PRKG1: variants seen among roughly 807,000 people sequenced by gnomAD.
PRKG1 encodes protein kinase cGMP-dependent 1.
Under a neutral mutation model 88.1 loss-of-function variants are expected in PRKG1, and 35 were observed. The ratio of observed to expected loss-of-function variants is 0.40; its 90% confidence interval spans 0.30 to 0.53. The LOEUF is 0.53. Among genes scored for constraint, PRKG1 ranks in the 20% least tolerant of loss-of-function variants. The probability of loss-of-function intolerance (pLI) is 0.59; values close to 1 mark genes in which losing one functional copy is unlikely to be tolerated. For synonymous variants in PRKG1, 303 were observed against 292.5 expected (o/e 1.04, Z -0.37); for missense variants, 540 against 839.8 (o/e 0.64, Z 4.41).
chr10:52,272,279 T>A, intron 11 of PRKG1, 113 bp from the exon 12 acceptor site: 1 of 721,008 alleles, frequency 1.4e-6, no homozygotes, highest in South Asian at 2.1e-5. Context: ...TCTCTCATTC[T>A]GACAAAATTT....
chr10:51,896,776 T>A (rs941504429), intron 4 of PRKG1, among the ~76,000 whole-genome samples: 2 of 151,720 alleles, frequency 1.3e-5, no homozygotes, highest in African/African-American at 4.8e-5. Flanking sequence ...CTAAAACTCA[T>A]ATGCTAACCC....
chr10:51,286,222 C>A (rs372984586), intron 2 of PRKG1, among the ~76,000 whole-genome samples: 4 of 152,172 alleles, frequency 2.6e-5, no homozygotes, highest in Non-Finnish European at 4.4e-5. Context: ...CTGCCTGCCT[C>A]GGCCTCCCAA....
chr10:52,034,380 G>A lies in PRKG1; in HGVS notation c.763-20104G>A, dbSNP rs1342365861. ...CTAGAGTGGGAGAGATTAAGCTGAA[G>A]GGAGGCCTTGTGGTAAGGGGTGATA... On this transcript the variant is annotated intron_variant, in intron 5 of 17. Transcript: ENST00000373980. Among the ~76,000 whole-genome samples the A allele has an allele frequency of 8.7e-5, 11 of 126,492 alleles. 2 individuals carry two copies. In the East Asian group the frequency reaches 2.8e-3, roughly 32 times the overall value. The allele number at this position is 126,492 out of a possible 152,430, so 83.0% of individuals were successfully genotyped here. A position where few individuals can be genotyped will look rare whatever the true frequency, so the allele number is the denominator to read the frequency against.
At chr10:51,108,751 T>C (rs1844909298) in intron 1 of PRKG1, among the ~76,000 whole-genome samples, 1 of 152,158 alleles carries the variant, frequency 6.6e-6, no homozygotes, top group African/African-American at 2.4e-5. Flanking sequence ...CAGTTCAACA[T>C]TGTACTGGAG....
chr10:51,765,471 G>T (rs1312711324), intron 3 of PRKG1, among the ~76,000 whole-genome samples: 4 of 152,010 alleles, frequency 2.6e-5, no homozygotes, highest in African/African-American at 9.7e-5. Context: ...AGTTTATCTT[G>T]CCAAATTAAC....
chr10:51,582,371 G>T (rs1838062498), intron 3 of PRKG1, among the ~76,000 whole-genome samples: 1 of 152,214 alleles, frequency 6.6e-6, no homozygotes, highest in East Asian at 1.9e-4. Context: ...GCACAGGTTT[G>T]TTACATAGGT....
intron 7 of PRKG1, among the ~76,000 whole-genome samples, chr10:52,072,870 C>T (rs1191096494): frequency 2.6e-5 from 4 of 152,202 alleles, no homozygotes; most frequent in African/African-American, 9.6e-5. Context: ...TTTATCCATT[C>T]CCCTCTTTGT....
intron 3 of PRKG1, among the ~76,000 whole-genome samples, chr10:51,755,048 T>A (rs7070360): frequency 6.6e-6 from 1 of 151,256 alleles, no homozygotes; most frequent in African/African-American, 2.4e-5. Context: ...ATGTATTAGC[T>A]ACATATGTAT....
At chr10:52,103,203 T>C (rs1847336905) in intron 7 of PRKG1, among the ~76,000 whole-genome samples, 1 of 152,206 alleles carries the variant, frequency 6.6e-6, no homozygotes, top group African/African-American at 2.4e-5. Flanking sequence ...GGAAAAATTG[T>C]CTTCATGTCC....
chr10:51,962,849 A>G (rs1352176108), intron 5 of PRKG1, among the ~76,000 whole-genome samples: 1 of 152,196 alleles, frequency 6.6e-6, no homozygotes, highest in Non-Finnish European at 1.5e-5. Flanking sequence ...TTATATTAAT[A>G]TCTTCAAAAT....
At chr10:51,592,736 T>A (rs78715202) in intron 3 of PRKG1, among the ~76,000 whole-genome samples, 1,771 of 152,282 alleles carry the variant, frequency 0.012, 33 homozygotes, top group African/African-American at 0.04. Flanking sequence ...TCAGTACCAT[T>A]GTTTTAATTA....
chr10:51,003,094 T>C (rs553041620), intron 1 of PRKG1, among the ~76,000 whole-genome samples: 1 of 152,298 alleles, frequency 6.6e-6, no homozygotes, highest in East Asian at 1.9e-4. Context: ...AATGTTACAC[T>C]GTCTATGACT....
chr10:51,133,279 G>A (rs1393237279), intron 1 of PRKG1, among the ~76,000 whole-genome samples: 2 of 152,118 alleles, frequency 1.3e-5, no homozygotes, highest in African/African-American at 4.8e-5. Context: ...TCTTCACCAG[G>A]AATCTTCTTA....
chr10:52,041,716 C>T (rs1057095050), intron 5 of PRKG1, among the ~76,000 whole-genome samples: 13 of 151,878 alleles, frequency 8.6e-5, no homozygotes, highest in African/African-American at 3.1e-4. Context: ...TGTATGTGTC[C>T]AGGAATTTAT....
intron 2 of PRKG1, among the ~76,000 whole-genome samples, chr10:51,298,438 A>G (rs1456718505): frequency 6.6e-6 from 1 of 152,180 alleles, no homozygotes; most frequent in Non-Finnish European, 1.5e-5. Flanking sequence ...CAGTCTTTCC[A>G]TACTCCAGGT....
chr10:51,040,585 T>C (rs1843408444), intron 1 of PRKG1, among the ~76,000 whole-genome samples: 2 of 152,032 alleles, frequency 1.3e-5, no homozygotes, highest in Non-Finnish European at 2.9e-5. Context: ...CCCAAAGTTC[T>C]AGGACTACAG....
intron 4 of PRKG1, among the ~76,000 whole-genome samples, chr10:51,900,938 A>T (rs34290619): frequency 0.28 from 42,631 of 152,032 alleles, 6,206 homozygotes; most frequent in Admixed American, 0.37. Context: ...AATTTAAAGA[A>T]TTAAATTTAA....
chr10:52,164,125 A>G, intron 9 of PRKG1, among the ~76,000 whole-genome samples: 1 of 151,940 alleles, frequency 6.6e-6, no homozygotes, highest in Admixed American at 6.6e-5. Flanking sequence ...TCAAGGGGGG[A>G]AGATCACCTG....
chr10:51,628,239 G>A (rs1029401888), intron 3 of PRKG1, among the ~76,000 whole-genome samples: 1 of 147,184 alleles, frequency 6.8e-6, no homozygotes, highest in East Asian at 2.0e-4. Context: ...GCACAAACTT[G>A]CCTCACTGCA....
Sources: allele counts gnomAD v4.1 joint callset (sites outside exome capture counted in the v4.1 genomes callset), GRCh38; gene constraint gnomAD v4.1.1; transcripts MANE v1.5; gene names NCBI Gene and HGNC (gene_info 2026-07-23, HGNC 2026-07-21).